The following TBXAS1 variants were observed in gnomAD, a reference collection of about 807,000 sequenced individuals.
The protein encoded by TBXAS1 is thromboxane A synthase 1.
A neutral mutation model predicts 60.7 loss-of-function variants in TBXAS1; 48 were observed. The ratio of observed to expected loss-of-function variants is 0.79; its 90% CI spans 0.63 to 1.01. The LOEUF (loss-of-function observed/expected upper bound fraction) is 1.01. TBXAS1 is among the 50% of genes least tolerant of loss of function. The pLI is 0.00. For missense variants in TBXAS1, 685 were observed against 686.3 expected (o/e 1.00, Z 0.02); for synonymous variants, 287 against 269.7 (o/e 1.06, Z -0.63).
rs1334417048 is a variant in TBXAS1, at chr7:139,951,907, G to GAAAGAAAGAAAGAAAGAAAGAA, written c.451-1460_451-1459insAAGAAAGAAAGAAAGAAAGAAA. On this transcript the variant is annotated intron_variant, in intron 5 of 12. Coordinates refer to ENST00000448866, the MANE Select transcript of TBXAS1 (RefSeq NM_001061.7). ...AGAAGGAAGGAAGGAAGGAAAGAAA[G>GAAAGAAAGAAAGAAAGAAAGAA]AGAAAGAAAGAGAGAAAGAAAGAGA... 1.1e-3 allele frequency among the ~76,000 whole-genome samples: 45 copies of GAAAGAAAGAAAGAAAGAAAGAA among 40,174 alleles called. 2 individuals carry two copies. The highest frequency in any genetic ancestry group is 2.1e-3 in the Admixed American group (6 of 2,842). The allele number at this position is 40,174 out of a possible 152,430, so 26.4% of individuals were successfully genotyped here.
intron 9 of TBXAS1, among the ~76,000 whole-genome samples, chr7:139,984,269 AT>A (rs3216468): frequency 0.17 from 26,557 of 151,980 alleles, 2,678 homozygotes; most frequent in East Asian, 0.33. Flanking sequence ...GTACCCACTT[AT>A]TTTTTTTATT....
At position 140,004,258 on chromosome 7, in the gene TBXAS1, G is replaced by T. The variant is rs1339846355; in HGVS notation, c.1135-2833G>T. 6.6e-6 allele frequency among the ~76,000 whole-genome samples: 1 copy of T among 152,178 alleles called. No homozygotes were observed. The highest frequency in any genetic ancestry group is 6.5e-5 in the Admixed American group (1 of 15,288). On this transcript the variant is annotated intron_variant, in intron 9 of 12. Transcript: ENST00000448866. This position sits in a 1 kb window ranked among gnomAD's most constrained non-coding sequence, Gnocchi z 5.1. ...GGTAGCCTTTATTCCCAAAGCAGGG[G>T]GACGTGTCCATCGTGGTACTCAGCG...
intron 1 of TBXAS1, among the ~76,000 whole-genome samples, chr7:139,856,193 G>T (rs1349925192): frequency 6.6e-6 from 1 of 152,206 alleles, no homozygotes; most frequent in Non-Finnish European, 1.5e-5. Context: ...AGACAGAAAT[G>T]GACTACAGGG....
intron 9 of TBXAS1, among the ~76,000 whole-genome samples, chr7:139,984,639 A>G (rs199737702): frequency 0.063 from 5,151 of 81,742 alleles, 337 homozygotes; most frequent in African/African-American, 0.12. Context: ...AGAGAGAGAG[A>G]GAGAAAGAAA....
At chr7:139,927,166 T>TC (rs1016977686) in intron 4 of TBXAS1, among the ~76,000 whole-genome samples, 13 of 151,504 alleles carry the variant, frequency 8.6e-5, no homozygotes, top group African/African-American at 2.9e-4. Context: ...GGCTATTTTT[T>TC]TTTTTTTTTT....
chr7:139,786,058 T>G (rs60245689), intron 3 of TBXAS1, among the ~76,000 whole-genome samples: 2,240 of 149,906 alleles, frequency 0.015, 37 homozygotes, highest in African/African-American at 0.047. Flanking sequence ...AGGGTTTTTT[T>G]TTTGTTTGTT....
intron 9 of TBXAS1, among the ~76,000 whole-genome samples, chr7:139,992,017 C>T (rs570714436): frequency 1.3e-5 from 2 of 152,294 alleles, no homozygotes; most frequent in East Asian, 3.9e-4. Context: ...AGAAGGATGG[C>T]ATGGAATGGC....
At chr7:139,946,221 A>C (rs1808703215) in intron 5 of TBXAS1, among the ~76,000 whole-genome samples, 1 of 152,142 alleles carries the variant, frequency 6.6e-6, no homozygotes, top group Non-Finnish European at 1.5e-5. Context: ...GTAGTCCCAG[A>C]TATTAATACT....
chr7:139,860,112 A>T (rs1409366066), intron 1 of TBXAS1, among the ~76,000 whole-genome samples: 1 of 152,094 alleles, frequency 6.6e-6, no homozygotes, highest in East Asian at 1.9e-4. Context: ...TCCAGCCTGG[A>T]CAACAGAGGA....
At chr7:139,953,318 G>T in intron 5 of TBXAS1, 50 bp from the exon 6 acceptor site, 1 of 1,495,030 alleles carries the variant, frequency 6.7e-7, no homozygotes, top group Non-Finnish European at 9.3e-7. Context: ...GCCAATTTAG[G>T]TGTACTCCCG....
At chr7:139,828,759 C>T (rs536711847), upstream of TBXAS1, among the ~76,000 whole-genome samples, 45 of 152,306 alleles carry the variant, frequency 3.0e-4, no homozygotes, top group African/African-American at 1.0e-3. Flanking sequence ...TGACCCCAAT[C>T]GGGATCTTTG....
At chr7:139,785,523 C>T (rs1367686600) in intron 3 of TBXAS1, among the ~76,000 whole-genome samples, 1 of 151,816 alleles carries the variant, frequency 6.6e-6, no homozygotes, top group African/African-American at 2.4e-5. Context: ...TCTTCCATTC[C>T]TCTTCCTTTC....
intron 4 of TBXAS1, among the ~76,000 whole-genome samples, chr7:139,800,252 C>T (rs138959199): frequency 1.7e-4 from 26 of 152,260 alleles, no homozygotes; most frequent in Middle Eastern, 6.8e-3. Context: ...CTTCTCATTG[C>T]ACCTAGGGTA....
At chr7:139,783,873 G>A (rs1048336666) in intron 3 of TBXAS1, among the ~76,000 whole-genome samples, 2 of 152,078 alleles carry the variant, frequency 1.3e-5, no homozygotes, top group Non-Finnish European at 2.9e-5. Flanking sequence ...ATTGCAAATC[G>A]CATGCCCTTT....
intron 4 of TBXAS1, among the ~76,000 whole-genome samples, chr7:139,794,647 A>C (rs1797496849): frequency 7.0e-6 from 1 of 143,570 alleles, no homozygotes; most frequent in Non-Finnish European, 1.5e-5. Context: ...TATGTCTCCC[A>C]ATGCTATCCC....
At chr7:139,931,048 CACACACAT>C (rs1042300696) in intron 4 of TBXAS1, among the ~76,000 whole-genome samples, 2 of 152,054 alleles carry the variant, frequency 1.3e-5, no homozygotes, top group Non-Finnish European at 2.9e-5. Context: ...AGAATACACA[CACACACAT>C]ACACACATAC....
chr7:139,986,328 T>C (rs903962748), intron 9 of TBXAS1, among the ~76,000 whole-genome samples: 10 of 152,140 alleles, frequency 6.6e-5, no homozygotes, highest in Non-Finnish European at 1.2e-4. Flanking sequence ...TGGTGAAGCA[T>C]AAATTGAAAC....
At chr7:139,969,161 T>G (rs1464403676) in intron 9 of TBXAS1, among the ~76,000 whole-genome samples, 2 of 152,208 alleles carry the variant, frequency 1.3e-5, no homozygotes, top group African/African-American at 4.8e-5. Context: ...CAGTTGTAAA[T>G]TTATCACAGA....
At chr7:139,843,168 T>C (rs558463027) in intron 1 of TBXAS1, among the ~76,000 whole-genome samples, 29 of 152,154 alleles carry the variant, frequency 1.9e-4, no homozygotes, top group Non-Finnish European at 3.4e-4. Context: ...CTCTCCCTTC[T>C]TGGTTTAACT....
Sources: allele counts gnomAD v4.1 joint callset (sites outside exome capture counted in the v4.1 genomes callset), GRCh38; gene constraint gnomAD v4.1.1; non-coding constraint Gnocchi (gnomAD v3.1); transcripts MANE v1.5; gene names NCBI Gene and HGNC (gene_info 2026-07-23, HGNC 2026-07-21).